Variants in ZNRF3 observed in about 807,000 individuals in gnomAD.
The protein encoded by ZNRF3 is zinc and ring finger 3, also known as E3 ubiquitin-protein ligase ZNRF3.
Under a neutral mutation model 72.5 loss-of-function variants are expected in ZNRF3, and 23 were observed. The observed-to-expected ratio is 0.32, with a 90% confidence interval of 0.23 to 0.45. The LOEUF (loss-of-function observed/expected upper bound fraction) is 0.45. Among genes scored for constraint, ZNRF3 ranks in the 20% least tolerant of loss-of-function variants. The pLI is 1.00. For synonymous variants in ZNRF3, 610 were observed against 545.3 expected (o/e 1.12, Z -1.65); for missense variants, 1,169 against 1,272.1 (o/e 0.92, Z 1.23).
chr22:28,915,325 C>T (rs1295342982), intron 1 of ZNRF3, among the ~76,000 whole-genome samples: 1 of 152,198 alleles, frequency 6.6e-6, no homozygotes, highest in East Asian at 1.9e-4. Context: ...ATTTTCTCTT[C>T]TTATAAGGAC....
rs982496330 is a variant in ZNRF3, at chr22:29,057,251, A to T, written c.*3629A>T. 1.3e-5 allele frequency: 2 copies of T among 152,216 alleles called. No individual in the cohort carries two copies. The highest frequency in any genetic ancestry group is 4.8e-5 in the African/African-American group (2 of 41,458). The allele number at this position is 152,216 out of a possible 1,614,324, so 9.4% of individuals were successfully genotyped here. On this transcript the variant is annotated 3_prime_UTR_variant, in exon 9 of 9. Coordinates refer to ENST00000544604, the MANE Select transcript of ZNRF3 (RefSeq NM_001206998.2). ...TCATTTATGGAAATATGTTCTCAGAATATTTATTTACTAATATATTTATCT... is the reference window on the plus strand; with the variant it reads ...TCATTTATGGAAATATGTTCTCAGATTATTTATTTACTAATATATTTATCT...
intron 8 of ZNRF3, among the ~76,000 whole-genome samples, chr22:29,051,598 T>C (rs139427906): frequency 2.4e-4 from 33 of 135,230 alleles, no homozygotes; most frequent in African/African-American, 8.3e-4. Context: ...AGCGAGACTC[T>C]GTCTTAAAAA....
rs960992691 is a variant in ZNRF3, at chr22:29,048,994, T to C, written c.1016-203T>C. Reference sequence around the variant, plus strand: ...CAGTGGGGAGTTGGGAGCGGGGCCCTTACAGGAGATGGGCCATTTCACACA... The same window carrying C: ...CAGTGGGGAGTTGGGAGCGGGGCCCCTACAGGAGATGGGCCATTTCACACA... On this transcript the variant is annotated intron_variant, in intron 7 of 8. Transcript: ENST00000544604. The surrounding 1 kb of genome is among the most constrained non-coding windows in gnomAD (Gnocchi z 4.9). Among the ~76,000 whole-genome samples, 4 of 152,148 alleles carry C rather than the reference T, an allele frequency of 2.6e-5. No individual in the cohort carries two copies. The highest frequency in any genetic ancestry group is 9.7e-5 in the African/African-American group (4 of 41,432).
At chr22:29,015,424 C>A (rs948635703) in intron 2 of ZNRF3, among the ~76,000 whole-genome samples, 1 of 152,164 alleles carries the variant, frequency 6.6e-6, no homozygotes, top group African/African-American at 2.4e-5. Context: ...AATCCCAACA[C>A]TTTGGGAGGC....
intron 2 of ZNRF3, among the ~76,000 whole-genome samples, chr22:29,004,341 C>T (rs377258839): frequency 2.0e-5 from 3 of 152,202 alleles, no homozygotes; most frequent in Non-Finnish European, 4.4e-5. Context: ...ATTTTTCTCT[C>T]CCGTTAAATT....
chr22:28,912,266 G>A (rs1171108749), intron 1 of ZNRF3, among the ~76,000 whole-genome samples: 1 of 152,232 alleles, frequency 6.6e-6, no homozygotes, highest in Non-Finnish European at 1.5e-5. Context: ...TTTAGGGCAA[G>A]AGGTGCAGAA....
intron 1 of ZNRF3, among the ~76,000 whole-genome samples, chr22:28,981,542 A>G (rs2035764564): frequency 6.6e-6 from 1 of 152,200 alleles, no homozygotes; most frequent in African/African-American, 2.4e-5. Context: ...CATTGGGGCT[A>G]TATCTTAAAA....
chr22:29,045,640 C>T (rs1467914394), intron 5 of ZNRF3, among the ~76,000 whole-genome samples: 1 of 152,072 alleles, frequency 6.6e-6, no homozygotes, highest in East Asian at 1.9e-4. Context: ...AGGCACCCGG[C>T]TAATTTTTGT....
In ZNRF3 at chr22:28,922,019, A is replaced by G. The variant is rs147056639; in HGVS notation, c.300+37953A>G. Among the ~76,000 whole-genome samples, 11 of 152,358 alleles carry G rather than the reference A, an allele frequency of 7.2e-5. No homozygotes were observed. In the East Asian group the frequency reaches 1.7e-3, roughly 24 times the overall value. On this transcript the variant is annotated intron_variant, in intron 1 of 8. Transcript: ENST00000544604. ...TGGGGGGTGAGACTCAAGTCTAAAC[A>G]TGAAATTCATTTGTTTCATATACAC...
intron 1 of ZNRF3, among the ~76,000 whole-genome samples, chr22:28,956,507 A>C (rs4055): frequency 0.14 from 20,963 of 151,704 alleles, 2,082 homozygotes; most frequent in East Asian, 0.43. Context: ...GAATTTGGAG[A>C]AGCTAGTTTT....
At chr22:29,039,749 C>A (rs1030179596) in intron 2 of ZNRF3, among the ~76,000 whole-genome samples, 12 of 139,208 alleles carry the variant, frequency 8.6e-5, no homozygotes, top group African/African-American at 3.3e-4. Context: ...GAGCTCAAGA[C>A]CAACCTGGGC....
intron 6 of ZNRF3, among the ~76,000 whole-genome samples, 167 bp downstream of exon 6, chr22:29,047,050 T>C (rs2037086852): frequency 6.6e-6 from 1 of 152,232 alleles, no homozygotes; most frequent in African/African-American, 2.4e-5. Context: ...TGGGTGTTTT[T>C]ACTTACAAAG....
chr22:29,040,541 A>G (rs1426125070), intron 2 of ZNRF3, among the ~76,000 whole-genome samples: 2 of 151,982 alleles, frequency 1.3e-5, no homozygotes, highest in South Asian at 2.1e-4. Flanking sequence ...GCTGAAAGCA[A>G]TTGAGTGACT....
At chr22:29,046,602 C>T (rs1177963941) in intron 5 of ZNRF3, 114 bp from the exon 6 acceptor site, 1 of 1,212,196 alleles carries the variant, frequency 8.2e-7, no homozygotes, top group African/African-American at 1.5e-5. Context: ...GAAGTCTGTT[C>T]CGGCATGATA....
At chr22:28,977,275 G>C (rs567450454) in intron 1 of ZNRF3, among the ~76,000 whole-genome samples, 2 of 152,264 alleles carry the variant, frequency 1.3e-5, no homozygotes, top group Admixed American at 1.3e-4. Context: ...TTTGGTGTCT[G>C]GGGTAGTTTC....
At chr22:29,033,895 G>A (rs568582507) in intron 2 of ZNRF3, among the ~76,000 whole-genome samples, 3 of 152,302 alleles carry the variant, frequency 2.0e-5, no homozygotes, top group South Asian at 4.1e-4. Context: ...AGAAATGTCC[G>A]GGACAGTGTG....
chr22:28,931,977 G>C (rs973219611), intron 1 of ZNRF3, among the ~76,000 whole-genome samples: 1 of 152,248 alleles, frequency 6.6e-6, no homozygotes, highest in Non-Finnish European at 1.5e-5. Flanking sequence ...TGAGCTCAGT[G>C]ATGCATCACT....
intron 1 of ZNRF3, among the ~76,000 whole-genome samples, chr22:28,924,628 T>G (rs1359104033): frequency 6.6e-6 from 1 of 152,110 alleles, no homozygotes; most frequent in Non-Finnish European, 1.5e-5. Context: ...TCCTAGCTAC[T>G]TGGGAGGCTA....
intron 2 of ZNRF3, among the ~76,000 whole-genome samples, chr22:29,001,209 C>T (rs2036138632): frequency 6.7e-6 from 1 of 149,126 alleles, no homozygotes; most frequent in East Asian, 2.0e-4. Context: ...GCTGGGACTA[C>T]AGATGCCTGC....
Sources: gnomAD v4.1 joint callset for allele counts (sites outside exome capture counted in the v4.1 genomes callset) on GRCh38, gnomAD v4.1.1 for gene constraint, Gnocchi (gnomAD v3.1) non-coding constraint, MANE v1.5 for transcripts, NCBI Gene and HGNC (gene_info 2026-07-23, HGNC 2026-07-21) for gene names.